The following TET1 variants were observed in gnomAD, a reference collection of about 807,000 sequenced individuals.
TET1 encodes methylcytosine dioxygenase TET1.
A neutral mutation model predicts 148.7 loss-of-function variants in TET1; 13 were observed. The observed-to-expected ratio is 0.09, with a 90% CI of 0.06 to 0.14. The LOEUF is 0.14. TET1 is among the 10% of genes least tolerant of loss of function. The pLI is 1.00. For missense variants in TET1, 2,182 were observed against 2,553.8 expected (o/e 0.85, Z 3.14); for synonymous variants, 907 against 937.2 (o/e 0.97, Z 0.59).
At chr10:68,627,237 G>A (rs1275957642) in intron 3 of TET1, among the ~76,000 whole-genome samples, 2 of 152,140 alleles carry the variant, frequency 1.3e-5, no homozygotes, top group East Asian at 1.9e-4. Context: ...GTAAAACCCC[G>A]TCTCTACTAA....
chr10:68,605,807 G>A (rs539981659), intron 3 of TET1, among the ~76,000 whole-genome samples: 41 of 152,262 alleles, frequency 2.7e-4, no homozygotes, highest in Non-Finnish European at 4.1e-4. Context: ...GAGCAACCAC[G>A]CCTAGCCCAT....
chr10:68,636,586 A>G (rs1271588931), intron 3 of TET1, among the ~76,000 whole-genome samples: 3 of 152,170 alleles, frequency 2.0e-5, no homozygotes, highest in Admixed American at 6.6e-5. Flanking sequence ...GCTTCAGGGG[A>G]TCCCTTGAGC....
intron 2 of TET1, among the ~76,000 whole-genome samples, chr10:68,577,738 G>T (rs1303035996): frequency 6.6e-6 from 1 of 152,182 alleles, no homozygotes; most frequent in African/African-American, 2.4e-5. Context: ...GAACCTGGAG[G>T]GGGGCGTTGC....
At position 68,683,995 on chromosome 10, in the gene TET1, C is replaced by T. The variant is rs144159151; in HGVS notation, c.5052+1022C>T. ...CTGTTTGCTTCACCTGTTTGTCTTC[C>T]TGTCATCTAGTAAAGCAAGATCAAT... is the stretch of plus-strand genomic sequence containing the variant. On this transcript the variant is annotated intron_variant, in intron 10 of 11. Coordinates refer to ENST00000373644, the MANE Select transcript of TET1 (RefSeq NM_030625.3). Among the ~76,000 whole-genome samples, 210 of 152,238 alleles carry T rather than the reference C, an allele frequency of 1.4e-3. 1 individual carries two copies. The highest frequency in any genetic ancestry group is 1.5e-3 in the Non-Finnish European group (105 of 68,022).
chr10:68,647,636 G>T (rs2054871119), intron 4 of TET1, among the ~76,000 whole-genome samples: 1 of 151,644 alleles, frequency 6.6e-6, no homozygotes, highest in Admixed American at 6.6e-5. Flanking sequence ...TAACTTAATA[G>T]TTTATTACAG....
At position 68,646,026 on chromosome 10, in the gene TET1, A is replaced by T. The variant is rs776824062; in HGVS notation, c.3297A>T (p.Lys1099Asn). Residue 1099 changes from lysine (K) to asparagine (N), a missense_variant, in exon 4 of 12, where the codon AAA becomes AAT. Lys to Asn is a moderately conservative substitution (Grantham distance 94). This residue lies in a region of TET1 where 582 missense variants were observed against 599.5 expected (regional missense o/e 0.97). Transcript: ENST00000373644. ...ATTATATAAAACCAGAGGACAAAAA[A>T]GTTGAAAGTACACCAACAAGCCTTG... ...KINYIKPEDK[K>N]VESTPTSLVT... 1 of 1,614,020 alleles carries T rather than the reference A, an allele frequency of 6.2e-7. No individual in the cohort carries two copies. The highest frequency in any genetic ancestry group is 1.3e-5 in the African/African-American group (1 of 74,928).
chr10:68,595,634 T>TTTTTTTTTTTTTTTA (rs2053969531), intron 2 of TET1, among the ~76,000 whole-genome samples: 1 of 135,698 alleles, frequency 7.4e-6, no homozygotes, highest in South Asian at 2.4e-4. Context: ...TTTTTTTTTT[T>TTTTTTTTTTTTTTTA]GAGGTGTAGT....
intron 3 of TET1, among the ~76,000 whole-genome samples, chr10:68,618,982 ATAAT>A (rs1460812144): frequency 6.6e-6 from 1 of 152,138 alleles, no homozygotes; most frequent in Non-Finnish European, 1.5e-5. Context: ...AAGCAAATAA[ATAAT>A]TAAGTAAAAA....
chr10:68,595,962 A>ATATATATATG, intron 2 of TET1, among the ~76,000 whole-genome samples: 2 of 28,708 alleles, frequency 7.0e-5, no homozygotes, highest in Non-Finnish European at 1.3e-4. Flanking sequence ...ATATATATAT[A>ATATATATATG]CACACACACA....
At position 68,676,236 on chromosome 10, in the gene TET1, GTATA is replaced by G. The variant is rs750680550; in HGVS notation, c.4824+3221_4824+3224del. ...TATACACATATATATGTATGTATGT[GTATA>G]TATATATATATATATATATATATAT... On this transcript the variant is annotated intron_variant, in intron 8 of 11. Transcript: ENST00000373644. Among the ~76,000 whole-genome samples, 94 of 55,476 alleles carry G rather than the reference GTATA, an allele frequency of 1.7e-3. 1 individual carries two copies. The highest frequency in any genetic ancestry group is 0.025 in the Middle Eastern group (1 of 40). The allele number at this position is 55,476 out of a possible 152,430, so 36.4% of individuals were successfully genotyped here.
intron 3 of TET1, among the ~76,000 whole-genome samples, chr10:68,613,232 C>T (rs146480124): frequency 1.3e-3 from 205 of 152,296 alleles, no homozygotes; most frequent in African/African-American, 4.7e-3. Flanking sequence ...GTTAACTTTT[C>T]TCTGACATGT....
intron 3 of TET1, among the ~76,000 whole-genome samples, chr10:68,627,370 A>G (rs1378789489): frequency 6.6e-6 from 1 of 152,060 alleles, no homozygotes; most frequent in East Asian, 1.9e-4. Context: ...AGCTCACGCC[A>G]CCGTACTCCA....
At chr10:68,690,650 C>T (rs1024551843) in intron 11 of TET1, among the ~76,000 whole-genome samples, 158 bp from the exon 12 acceptor site, 4 of 152,174 alleles carry the variant, frequency 2.6e-5, no homozygotes, top group East Asian at 1.9e-4. Flanking sequence ...ATTTTTAATT[C>T]GTGTTTGTGA....
At chr10:68,676,266 ATATTTT>A (rs1158952732) in intron 8 of TET1, among the ~76,000 whole-genome samples, 1 of 16,022 alleles carries the variant, frequency 6.2e-5, no homozygotes, top group African/African-American at 2.2e-4. Context: ...ATATATATAT[ATATTTT>A]TTTTTTTTTT....
intron 4 of TET1, among the ~76,000 whole-genome samples, chr10:68,647,593 G>T (rs1172976270): frequency 6.7e-6 from 1 of 150,166 alleles, no homozygotes; most frequent in East Asian, 1.9e-4. Context: ...AACAGAGCAA[G>T]ACCCTGTCTT....
chr10:68,650,922 T>G (rs2054922983), intron 4 of TET1, among the ~76,000 whole-genome samples: 1 of 152,218 alleles, frequency 6.6e-6, no homozygotes, highest in Admixed American at 6.5e-5. Flanking sequence ...CATTATTGAT[T>G]TTAATTTTGT....
At chr10:68,656,668 A>T (rs1029281847) in intron 6 of TET1, among the ~76,000 whole-genome samples, 7 of 152,246 alleles carry the variant, frequency 4.6e-5, no homozygotes, top group African/African-American at 1.7e-4. Context: ...CCGAGCCTAG[A>T]ATTAGCACTC....
intron 3 of TET1, among the ~76,000 whole-genome samples, chr10:68,627,133 C>T (rs974712104): frequency 8.5e-5 from 13 of 152,112 alleles, no homozygotes; most frequent in African/African-American, 2.4e-4. Context: ...TTAGGCTGGG[C>T]GCAGTGGCTC....
rs369521756 is a variant in TET1, at chr10:68,645,111, A to G, written c.2382A>G (p.Leu794=). 1.2e-6 allele frequency: 2 copies of G among 1,613,234 alleles called. No homozygotes were observed. The highest frequency in any genetic ancestry group is 1.7e-6 in the Non-Finnish European group (2 of 1,179,620). ...KTLENNSYKF[L]KDTANHKNAM... Reference sequence around the variant, plus strand: ...TGGAAAACAATTCTTATAAATTCCTAAAAGACACTGCAAACCATAAAAACG... The same window carrying G: ...TGGAAAACAATTCTTATAAATTCCTGAAAGACACTGCAAACCATAAAAACG... Residue 794 remains leucine, a synonymous_variant, in exon 4 of 12, where the codon CTA becomes CTG. Transcript: ENST00000373644.
Sources: allele counts gnomAD v4.1 joint callset (sites outside exome capture counted in the v4.1 genomes callset), GRCh38; gene constraint gnomAD v4.1.1; regional missense constraint gnomAD v4.1.1; transcripts MANE v1.5; gene names NCBI Gene and HGNC (gene_info 2026-07-23, HGNC 2026-07-21).